LRP1B: variants seen among roughly 807,000 people sequenced by gnomAD.
LRP1B encodes LDL receptor related protein 1B.
Under a neutral mutation model 556.6 loss-of-function variants are expected in LRP1B, and 217 were observed. The ratio of observed to expected loss-of-function variants is 0.39; its 90% CI spans 0.35 to 0.44. LRP1B has a LOEUF of 0.44. Ranked by LOEUF, LRP1B falls within the 20% of genes least tolerant of loss-of-function variation. The pLI is 1.00. For missense variants in LRP1B, 5,053 were observed against 5,620.8 expected (o/e 0.90, Z 3.23); for synonymous variants, 2,047 against 1,865.8 (o/e 1.10, Z -2.50).
intron 6 of LRP1B, among the ~76,000 whole-genome samples, chr2:141,195,474 T>C (rs1051779439): frequency 1.3e-5 from 2 of 152,142 alleles, no homozygotes; most frequent in African/African-American, 4.8e-5. Context: ...CAGCAAGCCT[T>C]GGCATAATCT....
chr2:140,566,049 C>T (rs1681114092), intron 43 of LRP1B, among the ~76,000 whole-genome samples: 1 of 152,148 alleles, frequency 6.6e-6, no homozygotes, highest in Admixed American at 6.5e-5. Flanking sequence ...GGCTTCTCTG[C>T]TATGCCATTT....
At chr2:141,354,146 AC>A (rs1291271054) in intron 3 of LRP1B, among the ~76,000 whole-genome samples, 1 of 151,976 alleles carries the variant, frequency 6.6e-6, no homozygotes, top group African/African-American at 2.4e-5. Context: ...TAATCTGTAC[AC>A]CAAACCCCCA....
At chr2:141,475,418 G>A (rs1682662139) in intron 3 of LRP1B, among the ~76,000 whole-genome samples, 2 of 152,072 alleles carry the variant, frequency 1.3e-5, no homozygotes, top group African/African-American at 2.4e-5. Flanking sequence ...TAACAGGGAT[G>A]TGAATAAAAA....
chr2:140,276,949 G>T (rs1045083026), intron 84 of LRP1B, among the ~76,000 whole-genome samples: 1 of 151,876 alleles, frequency 6.6e-6, no homozygotes, highest in African/African-American at 2.4e-5. Flanking sequence ...GATCTGGAGA[G>T]AATTTTACTA....
chr2:140,255,426 C>T (rs930553072), intron 86 of LRP1B, among the ~76,000 whole-genome samples: 1 of 152,134 alleles, frequency 6.6e-6, no homozygotes. Flanking sequence ...AATATCTTTA[C>T]ATATTTGATC....
At position 141,570,749 on chromosome 2, in the gene LRP1B, G is replaced by A. The variant is rs543229622; in HGVS notation, c.206-90216C>T. Among the ~76,000 whole-genome samples the A allele has an allele frequency of 5.3e-5, 8 of 151,466 alleles. No homozygotes were observed. In the East Asian group the frequency reaches 1.5e-3, roughly 29 times the overall value. On this transcript the variant is annotated intron_variant, in intron 2 of 90. Transcript: ENST00000389484. ...AGGAGGCTGGACGGCTCTGTATCAA[G>A]ACTTCTCCCCACAGCCCAACACACC...
At chr2:141,429,516 G>T (rs1680489358) in intron 3 of LRP1B, among the ~76,000 whole-genome samples, 1 of 152,136 alleles carries the variant, frequency 6.6e-6, no homozygotes, top group African/African-American at 2.4e-5. Flanking sequence ...GGATACATGT[G>T]CAAGATGTGC....
At chr2:140,545,338 C>T (rs1680290424) in intron 43 of LRP1B, among the ~76,000 whole-genome samples, 2 of 151,600 alleles carry the variant, frequency 1.3e-5, no homozygotes, top group African/African-American at 4.8e-5. Context: ...GCTTTTGGTG[C>T]CTTTGTCATA....
At chr2:141,123,619 T>C (rs1233667369) in intron 7 of LRP1B, among the ~76,000 whole-genome samples, 1 of 152,172 alleles carries the variant, frequency 6.6e-6, no homozygotes, top group Non-Finnish European at 1.5e-5. Context: ...TTGGGAGCTA[T>C]TGAATTTGCA....
At chr2:141,118,575 A>C (rs1251781898) in intron 7 of LRP1B, among the ~76,000 whole-genome samples, 3 of 151,982 alleles carry the variant, frequency 2.0e-5, no homozygotes, top group Non-Finnish European at 4.4e-5. Context: ...GAAGAGATTG[A>C]AATAAGTAGT....
intron 6 of LRP1B, among the ~76,000 whole-genome samples, chr2:141,202,952 C>A (rs1262456242): frequency 6.6e-6 from 1 of 151,944 alleles, no homozygotes; most frequent in African/African-American, 2.4e-5. Context: ...GTGTTCAACT[C>A]CCAATTATGA....
intron 2 of LRP1B, among the ~76,000 whole-genome samples, chr2:141,518,595 A>G (rs1269256659): frequency 3.9e-5 from 6 of 152,164 alleles, no homozygotes; most frequent in Admixed American, 3.3e-4. Flanking sequence ...ATTTTTTCCC[A>G]TGATATTTTA....
chr2:140,973,583 A>C (rs10928086), intron 18 of LRP1B, among the ~76,000 whole-genome samples: 111,693 of 151,916 alleles, frequency 0.74, 41,597 homozygotes, highest in Admixed American at 0.79. Flanking sequence ...CTTAGGCAGC[A>C]TGTTAATTGA....
intron 3 of LRP1B, among the ~76,000 whole-genome samples, chr2:141,324,835 A>G (rs1573807602): frequency 6.6e-6 from 1 of 152,076 alleles, no homozygotes; most frequent in Non-Finnish European, 1.5e-5. Context: ...ATATACATTA[A>G]TAAATGCTTA....
At chr2:141,375,778 G>T (rs1053478208) in intron 3 of LRP1B, among the ~76,000 whole-genome samples, 1 of 152,174 alleles carries the variant, frequency 6.6e-6, no homozygotes, top group African/African-American at 2.4e-5. Context: ...CGTGGGTGGT[G>T]CTTTCTACTC....
chr2:141,487,382 C>A (rs1025093739), intron 2 of LRP1B, among the ~76,000 whole-genome samples: 3 of 152,140 alleles, frequency 2.0e-5, no homozygotes, highest in Non-Finnish European at 2.9e-5. Flanking sequence ...AAGGAATACA[C>A]ACTGCATTTT....
In LRP1B at chr2:142,086,636, C is replaced by CAA. The variant is rs1320332486; in HGVS notation, c.82+44010_82+44011dup. Among the ~76,000 whole-genome samples, 230 of 48,164 alleles carry CAA rather than the reference C, an allele frequency of 4.8e-3. 2 individuals are homozygous for CAA. The highest frequency in any genetic ancestry group is 7.6e-3 in the African/African-American group (146 of 19,252). 31.6% of individuals were successfully genotyped at this position (48,164 alleles called of 152,430 possible). On this transcript the variant is annotated intron_variant, in intron 1 of 90. Transcript: ENST00000389484. ...AAAAACAAACAAACAAACAAACAAA[C>CAA]AAACAAAAAAAAAACACAACTTGTC... is the stretch of plus-strand genomic sequence containing the variant.
intron 1 of LRP1B, among the ~76,000 whole-genome samples, chr2:141,872,940 T>A (rs1253685442): frequency 6.6e-6 from 1 of 152,014 alleles, no homozygotes; most frequent in African/African-American, 2.4e-5. Context: ...CGTGCAAGAA[T>A]TCAGGGAATA....
chr2:140,711,240 G>A (rs1687021375), intron 37 of LRP1B, among the ~76,000 whole-genome samples: 1 of 151,888 alleles, frequency 6.6e-6, no homozygotes, highest in African/African-American at 2.4e-5. Context: ...CCACTGGCTG[G>A]CAGATTTTTC....
Sources: gnomAD v4.1 joint callset for allele counts (sites outside exome capture counted in the v4.1 genomes callset) on GRCh38, gnomAD v4.1.1 for gene constraint, MANE v1.5 for transcripts, NCBI Gene and HGNC (gene_info 2026-07-23, HGNC 2026-07-21) for gene names.